The following TENM4 variants were observed in gnomAD, a reference collection of about 807,000 sequenced individuals.
The protein encoded by TENM4 is teneurin transmembrane protein 4, also known as teneurin-4.
TENM4 carries 82 observed loss-of-function variants against 243.3 expected under a neutral mutation model. The ratio of observed to expected loss-of-function variants is 0.34; its 90% CI spans 0.28 to 0.40. TENM4 has a LOEUF of 0.40. Ranked by LOEUF, TENM4 falls within the 10% of genes least tolerant of loss-of-function variation. The pLI is 1.00. For synonymous variants in TENM4, 1,412 were observed against 1,456.3 expected (o/e 0.97, Z 0.69); for missense variants, 3,138 against 3,673.3 (o/e 0.85, Z 3.77).
intron 6 of TENM4, among the ~76,000 whole-genome samples, chr11:79,011,130 G>T (rs527946292): frequency 2.2e-4 from 34 of 152,210 alleles, no homozygotes; most frequent in African/African-American, 8.2e-4. Flanking sequence ...CTGAATGTAT[G>T]CTTTAGAAAA....
chr11:79,321,051 A>C (rs1856880144), intron 1 of TENM4, among the ~76,000 whole-genome samples: 1 of 152,208 alleles, frequency 6.6e-6, no homozygotes, highest in Non-Finnish European at 1.5e-5. Flanking sequence ...CAATTATTCT[A>C]TCTCAGAAGT....
intron 18 of TENM4, 81 bp downstream of exon 18, chr11:78,770,911 T>C: frequency 6.6e-7 from 1 of 1,513,814 alleles, no homozygotes. Context: ...TGGTGGCCTG[T>C]TAGCTCAGTA....
intron 2 of TENM4, among the ~76,000 whole-genome samples, chr11:79,233,661 T>C (rs1864410699): frequency 6.6e-6 from 1 of 151,624 alleles, no homozygotes; most frequent in Non-Finnish European, 1.5e-5. Flanking sequence ...GGGCTGTGAA[T>C]GGGGAGAGGA....
chr11:79,080,813 C>T (rs1324507269), intron 4 of TENM4, among the ~76,000 whole-genome samples: 2 of 152,188 alleles, frequency 1.3e-5, no homozygotes, highest in Non-Finnish European at 2.9e-5. Flanking sequence ...CTAGAAAACC[C>T]CTTCAAGGGT....
chr11:78,717,432 G>A (rs1051377191), intron 25 of TENM4, among the ~76,000 whole-genome samples: 2 of 152,196 alleles, frequency 1.3e-5, no homozygotes, highest in Non-Finnish European at 2.9e-5. Flanking sequence ...AGTGGGAAGA[G>A]GTTGAGTGTT....
At position 78,658,576 on chromosome 11, in the gene TENM4, A is replaced by G. The variant is rs1857956735; in HGVS notation, c.7792T>C (p.Leu2598=). The G allele has an allele frequency of 6.2e-7, 1 of 1,614,014 alleles. No individual in the cohort carries two copies. Among genetic ancestry groups the G allele is most frequent in the Admixed American group, 1.7e-5 (1 of 60,024 alleles). Residue 2598 remains leucine (L), a synonymous_variant, in exon 34 of 34, where the codon TTG becomes CTG. Coordinates refer to ENST00000278550, the MANE Select transcript of TENM4 (RefSeq NM_001098816.3). ...TTCTCTAGGTAGTGGGCATGGTTCA[A>G]GATGGCAGCAACCCTTCGCCCATCC... ...NEDGRRVAAI[L]NHAHYLENLH... is the part of the protein sequence containing the mutation.
chr11:79,007,507 T>G (rs1041082959), intron 6 of TENM4, among the ~76,000 whole-genome samples: 3 of 152,236 alleles, frequency 2.0e-5, no homozygotes, highest in Admixed American at 1.3e-4. Context: ...ACTGGGGCAC[T>G]GCAAGCGGTA....
intron 6 of TENM4, among the ~76,000 whole-genome samples, chr11:79,031,781 T>C (rs1472540274): frequency 6.6e-6 from 1 of 152,210 alleles, no homozygotes; most frequent in East Asian, 1.9e-4. Context: ...ACGTTGCTTC[T>C]ACTTTCATGC....
chr11:79,211,965 C>T (rs1863964223), intron 3 of TENM4, among the ~76,000 whole-genome samples: 1 of 152,200 alleles, frequency 6.6e-6, no homozygotes, highest in Non-Finnish European at 1.5e-5. Context: ...CTGCCCATGA[C>T]TGGGATCCAT....
At chr11:79,030,794 G>C (rs959773726) in intron 6 of TENM4, among the ~76,000 whole-genome samples, 1 of 152,126 alleles carries the variant, frequency 6.6e-6, no homozygotes, top group Non-Finnish European at 1.5e-5. Flanking sequence ...CTCCTACCAG[G>C]AGGAAGCCAG....
At chr11:79,383,512 C>A (rs1281739195) in intron 1 of TENM4, among the ~76,000 whole-genome samples, 2 of 152,154 alleles carry the variant, frequency 1.3e-5, no homozygotes, top group Non-Finnish European at 2.9e-5. Context: ...AGGAAGGGAG[C>A]TGCGATATTT....
intron 20 of TENM4, among the ~76,000 whole-genome samples, chr11:78,735,076 G>A (rs577446713): frequency 1.3e-5 from 2 of 152,316 alleles, no homozygotes; most frequent in African/African-American, 2.4e-5. Context: ...AGACTGAAAG[G>A]ATTCCGCATG....
chr11:78,928,033 A>G (rs7121066), intron 6 of TENM4, among the ~76,000 whole-genome samples: 1,811 of 152,234 alleles, frequency 0.012, 36 homozygotes, highest in African/African-American at 0.041. Flanking sequence ...CCTACTGCCT[A>G]CTGGTTCCTG....
At chr11:79,241,114 A>G (rs1215234181) in intron 2 of TENM4, among the ~76,000 whole-genome samples, 1 of 149,918 alleles carries the variant, frequency 6.7e-6, no homozygotes, top group East Asian at 2.0e-4. Flanking sequence ...TGTATCTTTG[A>G]TAAAGCACTC....
intron 1 of TENM4, among the ~76,000 whole-genome samples, chr11:79,311,763 C>T (rs11237783): frequency 0.16 from 24,940 of 152,164 alleles, 2,173 homozygotes; most frequent in East Asian, 0.34. Flanking sequence ...CCTGCCTCTA[C>T]ACCTTTGCTC....
intron 6 of TENM4, among the ~76,000 whole-genome samples, chr11:79,055,127 C>CAA (rs34101530): frequency 1.3e-3 from 178 of 134,538 alleles, no homozygotes; most frequent in Middle Eastern, 3.8e-3. Flanking sequence ...AACTCCATCT[C>CAA]AAAAAAAAAA....
chr11:79,158,622 T>C (rs915577857), intron 3 of TENM4, among the ~76,000 whole-genome samples: 1 of 152,218 alleles, frequency 6.6e-6, no homozygotes, highest in African/African-American at 2.4e-5. Flanking sequence ...GAGAAGAATA[T>C]CATTTCTCAT....
chr11:79,366,291 C>G (rs1227299549), intron 1 of TENM4, among the ~76,000 whole-genome samples: 1 of 152,230 alleles, frequency 6.6e-6, no homozygotes, highest in Non-Finnish European at 1.5e-5. Flanking sequence ...GTGTCACCTT[C>G]TTGAGGAAGA....
intron 3 of TENM4, chr11:79,191,427 T>G (rs1863487200): frequency 6.8e-6 from 1 of 147,702 alleles, no homozygotes; most frequent in African/African-American, 2.5e-5. Flanking sequence ...ATTCACTCAG[T>G]GCTCAATGGT....
Sources: gnomAD v4.1 joint callset for allele counts (sites outside exome capture counted in the v4.1 genomes callset) on GRCh38, gnomAD v4.1.1 for gene constraint, MANE v1.5 for transcripts, NCBI Gene and HGNC (gene_info 2026-07-23, HGNC 2026-07-21) for gene names.